The following PTK7 variants were observed in gnomAD, a reference collection of about 807,000 sequenced individuals.
PTK7 encodes the protein protein tyrosine kinase 7 (inactive).
PTK7 carries 39 observed loss-of-function variants against 116.6 expected under a neutral mutation model. That is an observed-to-expected ratio of 0.33 (90% CI 0.26 to 0.44). The LOEUF is 0.44. Ranked by LOEUF, PTK7 falls within the 20% of genes least tolerant of loss-of-function variation. PTK7 has a pLI of 1.00. For missense variants in PTK7, 1,169 were observed against 1,425.6 expected (o/e 0.82, Z 2.90); for synonymous variants, 546 against 563.6 (o/e 0.97, Z 0.44).
rs376785904 is a variant in PTK7 at position 43,144,601 on chromosome 6, C to T, written c.2402C>T (p.Thr801Met). ...CGGTCTAGCCTGCAGCCCATCACCA[C>T]GCTGGGTATGTTGCCTTGACTACAG... The part of the protein sequence containing the change: ...FPRSSLQPIT[T>M]LGKSEFGEVF... Residue 801 changes from threonine to methionine, a missense_variant, in exon 15 of 20, where the codon ACG (threonine) becomes ATG (methionine). Thr to Met is a moderately conservative substitution (Grantham distance 81). Around this residue, in one of 3 missense-constraint regions of PTK7, gnomAD observed 678 missense variants for 853.8 expected, o/e 0.79. Transcript: ENST00000230419. The T allele has an allele frequency of 1.1e-5, 17 of 1,609,530 alleles. No individual in the cohort carries two copies. The African/African-American group carries it at 1.1e-4, about 10-fold the overall frequency.
chr6:43,122,068 G>C (rs1054240644), intron 1 of PTK7, among the ~76,000 whole-genome samples: 25 of 152,134 alleles, frequency 1.6e-4, no homozygotes, highest in African/African-American at 5.3e-4. Context: ...CTTGGGCCTC[G>C]GAGGTTGAGG....
chr6:43,129,121 C>T lies in PTK7; in HGVS notation c.224C>T (p.Thr75Met), dbSNP rs1447038348. The T allele has an allele frequency of 3.7e-6, 6 of 1,614,088 alleles. No individual in the cohort carries two copies. In the South Asian group the frequency reaches 4.4e-5, roughly 12 times the overall value. ...CTCGATGGGGCCCCTGTCCAGGACA[C>T]GGAGCGGCGTTTCGCCCAGGGCAGC... Reference protein sequence around the residue: ...WLLDGAPVQDTERRFAQGSSL... With the variant: ...WLLDGAPVQDMERRFAQGSSL... The change falls in exon 2 of 20, where the codon ACG becomes ATG. Residue 75 changes from threonine (T) to methionine (M), a missense_variant. Physicochemically the swap from Thr to Met is moderately conservative, Grantham distance 81. Around this residue, in one of 3 missense-constraint regions of PTK7, gnomAD observed 487 missense variants for 549.8 expected, o/e 0.89. Coordinates refer to ENST00000230419, the MANE Select transcript of PTK7 (RefSeq NM_002821.5). This position sits in a 1 kb window ranked among gnomAD's most constrained non-coding sequence, Gnocchi z 4.5.
At position 43,130,572 on chromosome 6, in the gene PTK7, G is replaced by A; in HGVS notation, c.723G>A (p.Glu241=). Residue 241 remains glutamate, a synonymous_variant, in exon 5 of 20, where the codon GAG becomes GAA. Transcript: ENST00000230419. ...ACGTGGTAGTAGCGAGGTATGAGGA[G>A]GCCATGTTCCATTGCCAGTTCTCAG... ...PQDVVVARYE[E]AMFHCQFSAQ... is the part of the protein sequence containing the mutation. The A allele has an allele frequency of 6.2e-7, 1 of 1,614,178 alleles. No individual in the cohort carries two copies. The highest frequency in any genetic ancestry group is 8.5e-7 in the Non-Finnish European group (1 of 1,180,032).
chr6:43,115,416 G>A (rs1768448870), intron 1 of PTK7, among the ~76,000 whole-genome samples: 1 of 152,124 alleles, frequency 6.6e-6, no homozygotes, highest in Non-Finnish European at 1.5e-5. Flanking sequence ...CTGTAGCCGA[G>A]CAGGTGGCCT....
intron 18 of PTK7, 117 bp from the exon 19 acceptor site, chr6:43,159,671 T>C: frequency 9.7e-7 from 1 of 1,026,356 alleles, no homozygotes; most frequent in South Asian, 1.4e-5. Flanking sequence ...TCTTGATGTC[T>C]GTATGTAGAA....
chr6:43,143,574 G>A lies in PTK7; in HGVS notation c.2205G>A (p.Leu735=). The A allele has an allele frequency of 2.5e-6, 4 of 1,613,438 alleles. No individual in the cohort carries two copies. The highest frequency in any genetic ancestry group is 3.4e-6 in the Non-Finnish European group (4 of 1,180,030). ...AGAAGCGCTGCAAAGCCAAGCGGCT[G>A]CAGAAGCAGCCCGAGGGCGAGGAGC... ...YCKKRCKAKR[L]QKQPEGEEPE... Residue 735 remains leucine (L), a synonymous_variant, in exon 14 of 20, where the codon CTG becomes CTA. Transcript: ENST00000230419. The surrounding 1 kb of genome is among the most constrained non-coding windows in gnomAD (Gnocchi z 4.2).
intron 1 of PTK7, among the ~76,000 whole-genome samples, chr6:43,089,454 C>T (rs75003038): frequency 0.022 from 3,343 of 152,210 alleles, 56 homozygotes; most frequent in Non-Finnish European, 0.034. Flanking sequence ...GAGATCCAAA[C>T]CTAATTTCCA....
intron 1 of PTK7, among the ~76,000 whole-genome samples, chr6:43,078,951 C>T (rs956488044): frequency 6.6e-6 from 1 of 152,186 alleles, no homozygotes; most frequent in African/African-American, 2.4e-5. Context: ...GCCTGTAATT[C>T]AGGCCTAGGA....
chr6:43,102,297 C>T (rs1022101038), intron 1 of PTK7, among the ~76,000 whole-genome samples: 4 of 152,096 alleles, frequency 2.6e-5, no homozygotes, highest in Non-Finnish European at 5.9e-5. Context: ...TGGTGGCGGG[C>T]GCCTGTAGTC....
intron 12 of PTK7, 35 bp from the exon 13 acceptor site, chr6:43,142,137 C>T (rs939604766): frequency 6.8e-6 from 11 of 1,611,692 alleles, no homozygotes; most frequent in African/African-American, 1.3e-5. Context: ...CCCCTCCCTG[C>T]GAGCTGGCCA....
chr6:43,133,877 C>T (rs1264472495), intron 7 of PTK7, among the ~76,000 whole-genome samples: 1 of 152,200 alleles, frequency 6.6e-6, no homozygotes, highest in African/African-American at 2.4e-5. Context: ...ATACTGAAAT[C>T]TTAGAAGACA....
chr6:43,076,587 G>T lies in PTK7; in HGVS notation c.79+20G>T. On this transcript the variant is annotated intron_variant, in intron 1 of 19. Coordinates refer to ENST00000230419, the MANE Select transcript of PTK7 (RefSeq NM_002821.5). The surrounding 1 kb of genome is among the most constrained non-coding windows in gnomAD (Gnocchi z 5.7). Reference sequence around the variant, plus strand: ...TGGGCGGTGAGTACCCGAGAGTTGGGGGCACAGAGCTTGGGAAGCGCGGGA... The same window carrying T: ...TGGGCGGTGAGTACCCGAGAGTTGGTGGCACAGAGCTTGGGAAGCGCGGGA... The T allele has an allele frequency of 6.4e-7, 1 of 1,570,802 alleles. No individual in the cohort carries two copies. Among genetic ancestry groups the T allele is most frequent in the Non-Finnish European group, 8.6e-7 (1 of 1,163,964 alleles).
chr6:43,122,888 T>C (rs1769048538), intron 1 of PTK7, among the ~76,000 whole-genome samples: 1 of 152,066 alleles, frequency 6.6e-6, no homozygotes, highest in Non-Finnish European at 1.5e-5. Flanking sequence ...ATTACAGGCA[T>C]GAGCCACCGC....
chr6:43,140,805 A>G (rs1770354152), intron 10 of PTK7, among the ~76,000 whole-genome samples: 1 of 152,002 alleles, frequency 6.6e-6, no homozygotes, highest in Non-Finnish European at 1.5e-5. Flanking sequence ...ACAGATAACT[A>G]TGTAGTTTTT....
chr6:43,134,299 A>G (rs936602242), intron 7 of PTK7, among the ~76,000 whole-genome samples: 1 of 151,948 alleles, frequency 6.6e-6, no homozygotes, highest in African/African-American at 2.4e-5. Flanking sequence ...TCGGCCTCCT[A>G]AAGTGCTGGG....
In PTK7 at chr6:43,143,402, C is replaced by T; in HGVS notation, c.2048-15C>T. Reference sequence around the variant, plus strand: ...CTTAGCAGCCCCTGCCCAGACCCATCTGTGTGTCTCTCAGACAAGCCTGTG... The same window carrying T: ...CTTAGCAGCCCCTGCCCAGACCCATTTGTGTGTCTCTCAGACAAGCCTGTG... On this transcript the variant is annotated splice_polypyrimidine_tract_variant and intron_variant, in intron 13 of 19. Transcript: ENST00000230419. This position sits in a 1 kb window ranked among gnomAD's most constrained non-coding sequence, Gnocchi z 4.2. The T allele has an allele frequency of 6.2e-7, 1 of 1,612,540 alleles. No homozygotes were observed. Among genetic ancestry groups the T allele is most frequent in the Non-Finnish European group, 8.5e-7 (1 of 1,179,374 alleles).
At chr6:43,077,068 G>A (rs1766076076) in intron 1 of PTK7, 5 of 1,279,534 alleles carry the variant, frequency 3.9e-6, no homozygotes, top group African/African-American at 3.1e-5. Flanking sequence ...ACGCCGACCC[G>A]ACGTTCCCGG....
chr6:43,159,876 G>A lies in PTK7; in HGVS notation c.2962G>A (p.Asp988Asn). 6.2e-7 allele frequency: 1 copy of A among 1,614,238 alleles called. No homozygotes were observed. The highest frequency in any genetic ancestry group is 8.5e-7 in the Non-Finnish European group (1 of 1,180,038). ...ILEGDFSTKS[D>N]VWAFGVLMWE... ...GGAGGGTGACTTCTCTACCAAGTCTGATGTCTGGGCCTTCGGTGTGCTGAT... is the reference window on the plus strand; with the variant it reads ...GGAGGGTGACTTCTCTACCAAGTCTAATGTCTGGGCCTTCGGTGTGCTGAT... Residue 988 changes from aspartate to asparagine, a missense_variant, in exon 19 of 20, where the codon GAT becomes AAT. Asp to Asn is a conservative substitution (Grantham distance 23). This residue lies in a region of PTK7 where 678 missense variants were observed against 853.8 expected (regional missense o/e 0.79). Transcript: ENST00000230419.
chr6:43,087,976 G>T (rs976253701), intron 1 of PTK7, among the ~76,000 whole-genome samples: 1 of 152,294 alleles, frequency 6.6e-6, no homozygotes, highest in Middle Eastern at 3.4e-3. Context: ...ACAAAAGTAC[G>T]ATCTGCCTAG....
Sources: gnomAD v4.1 joint callset for allele counts (sites outside exome capture counted in the v4.1 genomes callset) on GRCh38, gnomAD v4.1.1 for gene constraint, gnomAD v4.1.1 regional missense constraint, Gnocchi (gnomAD v3.1) non-coding constraint, MANE v1.5 for transcripts, NCBI Gene and HGNC (gene_info 2026-07-23, HGNC 2026-07-21) for gene names.